ZNF436: variants seen among roughly 807,000 people sequenced by gnomAD.
The protein encoded by ZNF436 is zinc finger protein 436, also known as DNA-binding protein.
Under a neutral mutation model 41.9 loss-of-function variants are expected in ZNF436, and 22 were observed. That is an observed-to-expected ratio of 0.53 (90% CI 0.38 to 0.75). The LOEUF (loss-of-function observed/expected upper bound fraction) is 0.75. Among genes scored for constraint, ZNF436 ranks in the 30% least tolerant of loss-of-function variants. ZNF436 has a pLI of 0.00. For missense variants in ZNF436, 506 were observed against 587.3 expected, an observed-to-expected ratio of 0.86 and a Z score of 1.43; for synonymous variants, 217 against 197.8, an observed-to-expected ratio of 1.10 and a Z score of -0.82.
At position 23,361,783 on chromosome 1, in the gene ZNF436, T is replaced by G. The variant is rs1283425361; in HGVS notation, c.*186A>C. 11 of 562,718 alleles carry G rather than the reference T, an allele frequency of 2.0e-5. No homozygotes were observed. In the Admixed American group the frequency reaches 3.2e-4, roughly 16 times the overall value. 34.9% of individuals were successfully genotyped at this position (562,718 alleles called of 1,614,324 possible). Reference sequence around the variant, plus strand: ...CATTGAGTGAATAAAAATCACCATTTTGGAGGAGATAACATTCCCAAAGCT... The same window carrying G: ...CATTGAGTGAATAAAAATCACCATTGTGGAGGAGATAACATTCCCAAAGCT... On this transcript the variant is annotated 3_prime_UTR_variant, in exon 4 of 4. Coordinates refer to ENST00000314011, the MANE Select transcript of ZNF436 (RefSeq NM_001077195.2).
chr1:23,369,063 G>C (rs1638435000), intron 1 of ZNF436: 1 of 239,446 alleles, frequency 4.2e-6, no homozygotes, highest in South Asian at 3.9e-5. Context: ...TCTCAAGGGG[G>C]CGCCCCTCGA....
At chr1:23,364,776 T>C (rs1203497826) in intron 3 of ZNF436, among the ~76,000 whole-genome samples, 4 of 152,112 alleles carry the variant, frequency 2.6e-5, no homozygotes, top group African/African-American at 9.7e-5. Context: ...CTACAAGGAG[T>C]TTTATACCAG....
rs973230461 is a variant in ZNF436 at position 23,362,373 on chromosome 1, T to C, written c.1009A>G (p.Asn337Asp). The change falls in exon 4 of 4, where the codon AAC becomes GAC. Residue 337 changes from asparagine (N) to aspartate (D), a missense_variant. Around this residue, in one of 2 missense-constraint regions of ZNF436, gnomAD observed 278 missense variants for 372.1 expected, o/e 0.75. Transcript: ENST00000314011. ...AHTGEKPYHC[N>D]ECGENFSRIS... ...CGGCTGAAATTTTCCCCACATTCGT[T>C]ACAGTGGTATGGCTTCTCTCCCGTG... The C allele has an allele frequency of 1.2e-6, 2 of 1,613,976 alleles. No individual in the cohort carries two copies. Among genetic ancestry groups the C allele is most frequent in the East Asian group, 4.5e-5 (2 of 44,866 alleles).
At chr1:23,368,142 C>G in intron 1 of ZNF436, 77 bp from the exon 2 acceptor site, 1 of 1,013,084 alleles carries the variant, frequency 9.9e-7, no homozygotes, top group South Asian at 1.5e-5. Context: ...GTTCTGGCCC[C>G]AAGGCGGGCA....
At chr1:23,365,542 C>T (rs530237760) in intron 3 of ZNF436, among the ~76,000 whole-genome samples, 10 of 151,760 alleles carry the variant, frequency 6.6e-5, no homozygotes, top group Non-Finnish European at 1.0e-4. Context: ...GGTGAAACCC[C>T]GTCTCCACTA....
At position 23,362,344 on chromosome 1, in the gene ZNF436, G is replaced by T. The variant is rs1173181167; in HGVS notation, c.1038C>A (p.Ile346=). The change falls in exon 4 of 4, where the codon ATC becomes ATA. Residue 346 remains isoleucine, a synonymous_variant. Coordinates refer to ENST00000314011, the MANE Select transcript of ZNF436 (RefSeq NM_001077195.2). ...TTCTCTGGTGCTGAACCAAGTGTGA[G>T]ATGCGGCTGAAATTTTCCCCACATT... is the stretch of plus-strand genomic sequence containing the variant. ...CNECGENFSR[I]SHLVQHQRTH... is the part of the protein sequence containing the mutation. 1.2e-6 allele frequency: 2 copies of T among 1,613,860 alleles called. No homozygotes were observed.
intron 1 of ZNF436, chr1:23,368,943 GGCCCCGCGCCGCCCCGC>G (rs1638430750): frequency 6.3e-6 from 1 of 157,488 alleles, no homozygotes; most frequent in South Asian, 1.6e-4. Flanking sequence ...ACTCCCGAGA[GGCCCCGCGCCGCCCCGC>G]GCCGGGGCGA....
At position 23,360,079 on chromosome 1, in the gene ZNF436, T is replaced by C. The variant is rs929355551; in HGVS notation, c.*1890A>G. ...CATGTGTCACCCGACAATTAAAATATGGATACCCACAGTCTGCTAGATTTT... is the reference window on the plus strand; with the variant it reads ...CATGTGTCACCCGACAATTAAAATACGGATACCCACAGTCTGCTAGATTTT... On this transcript the variant is annotated 3_prime_UTR_variant, in exon 4 of 4. Coordinates refer to ENST00000314011, the MANE Select transcript of ZNF436 (RefSeq NM_001077195.2). The C allele has an allele frequency of 7.2e-5, 11 of 152,460 alleles. No homozygotes were observed. Among genetic ancestry groups the C allele is most frequent in the African/African-American group, 2.4e-4 (10 of 41,588 alleles). The allele number at this position is 152,460 out of a possible 1,614,324, so 9.4% of individuals were successfully genotyped here.
chr1:23,361,970 T>C lies in ZNF436; in HGVS notation c.1412A>G (p.Ter471=). 2 of 1,579,278 alleles carry C rather than the reference T, an allele frequency of 1.3e-6. No homozygotes were observed. Among genetic ancestry groups the C allele is most frequent in the Non-Finnish European group, 1.7e-6 (2 of 1,163,608 alleles). Residue 471 remains the stop codon, a stop_retained_variant, in exon 4 of 4, where the codon TAA becomes TGA. Coordinates refer to ENST00000314011, the MANE Select transcript of ZNF436 (RefSeq NM_001077195.2). The stretch of plus-strand genomic sequence containing the variant: ...TTTCTCAGCCATCATAATTACAGCT[T>C]AGTCCGTATGAACTCTCTTATGTTT... ...LIKHKRVHTD[*]
chr1:23,369,543 G>A lies in ZNF436; in HGVS notation c.-238C>T, dbSNP rs770771143. The A allele has an allele frequency of 1.9e-6, 1 of 532,672 alleles. No homozygotes were observed. Among genetic ancestry groups the A allele is most frequent in the Non-Finnish European group, 3.9e-6 (1 of 258,804 alleles). 33.0% of individuals were successfully genotyped at this position (532,672 alleles called of 1,614,324 possible). A position where few individuals can be genotyped will look rare whatever the true frequency, so the allele number is the denominator to read the frequency against. On this transcript the variant is annotated 5_prime_UTR_variant, in exon 1 of 4. Coordinates refer to ENST00000314011, the MANE Select transcript of ZNF436 (RefSeq NM_001077195.2). ...ATCTCGAATTCGTAGACTTGCAGGC[G>A]AAGCCCAGATATCGTAGGCTGATCC... is the stretch of plus-strand genomic sequence containing the variant.
Position 23,362,480 on chromosome 1 carries a change from G to T in ZNF436, c.902C>A (p.Thr301Lys). ...ATCACACTTGTAGGGCCTCTCCCCTGTGTGGACTCGATAGTGTTTGATGAG... is the reference window on the plus strand; with the variant it reads ...ATCACACTTGTAGGGCCTCTCCCCTTTGTGGACTCGATAGTGTTTGATGAG... ...SDLIKHYRVH[T>K]GERPYKCDEC... The change falls in exon 4 of 4, where the codon ACA (threonine) becomes AAA (lysine). Residue 301 changes from threonine to lysine, a missense_variant. By Grantham distance (78) the Thr-to-Lys change is moderately conservative (BLOSUM62 -1). Around this residue, in one of 2 missense-constraint regions of ZNF436, gnomAD observed 278 missense variants for 372.1 expected, o/e 0.75. Coordinates refer to ENST00000314011, the MANE Select transcript of ZNF436 (RefSeq NM_001077195.2). 1 of 1,614,252 alleles carries T rather than the reference G, an allele frequency of 6.2e-7. No homozygotes were observed. The highest frequency in any genetic ancestry group is 8.5e-7 in the Non-Finnish European group (1 of 1,180,052).
chr1:23,367,308 GAT>G, intron 2 of ZNF436, 140 bp from the exon 3 acceptor site: 6 of 1,051,918 alleles, frequency 5.7e-6, no homozygotes, highest in South Asian at 4.2e-5. Context: ...GCAAAAAAGA[GAT>G]GTGGTAAAGA....
rs1251609340 is a variant in ZNF436, at chr1:23,361,986, T to C, written c.1396A>G (p.Arg466Gly). 2 of 1,607,134 alleles carry C rather than the reference T, an allele frequency of 1.2e-6. No homozygotes were observed. Among genetic ancestry groups the C allele is most frequent in the East Asian group, 2.2e-5 (1 of 44,832 alleles). The change falls in exon 4 of 4, where the codon AGA becomes GGA. Residue 466 changes from arginine (R) to glycine (G), a missense_variant. Around this residue, in one of 2 missense-constraint regions of ZNF436, gnomAD observed 278 missense variants for 372.1 expected, o/e 0.75. Coordinates refer to ENST00000314011, the MANE Select transcript of ZNF436 (RefSeq NM_001077195.2). The part of the protein sequence containing the change: ...SRSSALIKHK[R>G]VHTD Reference sequence around the variant, plus strand: ...ATTACAGCTTAGTCCGTATGAACTCTCTTATGTTTAATAAGAGCTGAGCTC... The same window carrying C: ...ATTACAGCTTAGTCCGTATGAACTCCCTTATGTTTAATAAGAGCTGAGCTC...
At position 23,359,471 on chromosome 1, in the gene ZNF436, A is replaced by G. The variant is rs988094745; in HGVS notation, c.*2498T>C. 2 of 152,246 alleles carry G rather than the reference A, an allele frequency of 1.3e-5. No homozygotes were observed. Among genetic ancestry groups the G allele is most frequent in the Non-Finnish European group, 2.9e-5 (2 of 68,042 alleles). The allele number at this position is 152,246 out of a possible 1,614,324, so 9.4% of individuals were successfully genotyped here. On this transcript the variant is annotated 3_prime_UTR_variant, in exon 4 of 4. Coordinates refer to ENST00000314011, the MANE Select transcript of ZNF436 (RefSeq NM_001077195.2). ...GCTGACTTTAAAAATTATATTTTTAATTATAGAATATTGTTAGAATAATAC... is the reference window on the plus strand; with the variant it reads ...GCTGACTTTAAAAATTATATTTTTAGTTATAGAATATTGTTAGAATAATAC...
intron 3 of ZNF436, among the ~76,000 whole-genome samples, chr1:23,364,029 G>A (rs944346230): frequency 2.0e-5 from 3 of 149,054 alleles, no homozygotes; most frequent in Admixed American, 6.7e-5. Context: ...GTGACAGAAC[G>A]AGACCCTGTC....
intron 3 of ZNF436, among the ~76,000 whole-genome samples, chr1:23,365,175 C>T (rs1279849057): frequency 2.0e-5 from 3 of 150,386 alleles, no homozygotes; most frequent in African/African-American, 4.9e-5. Context: ...GGGCAGATCA[C>T]GAGGTCAGGA....
chr1:23,367,767 T>A (rs1006821387), intron 2 of ZNF436, among the ~76,000 whole-genome samples: 1 of 152,214 alleles, frequency 6.6e-6, no homozygotes. Context: ...ATCTTTTATC[T>A]CCCCAGTATT....
At chr1:23,366,025 G>A (rs952531150) in intron 3 of ZNF436, among the ~76,000 whole-genome samples, 16 of 151,890 alleles carry the variant, frequency 1.1e-4, no homozygotes, top group Non-Finnish European at 1.9e-4. Context: ...TCTAACAAGT[G>A]CTTTTGGGGC....
chr1:23,362,494 G>C lies in ZNF436; in HGVS notation c.888C>G (p.His296Gln). The C allele has an allele frequency of 1.2e-6, 2 of 1,613,984 alleles. No homozygotes were observed. The highest frequency in any genetic ancestry group is 1.7e-6 in the Non-Finnish European group (2 of 1,179,996). The change falls in exon 4 of 4, where the codon CAC (histidine) becomes CAG (glutamine). Residue 296 changes from histidine (H) to glutamine (Q), a missense_variant. By Grantham distance (24) the His-to-Gln change is conservative. Transcript: ENST00000314011. The stretch of plus-strand genomic sequence containing the variant: ...GCCTCTCCCCTGTGTGGACTCGATA[G>C]TGTTTGATGAGATCAGATCTCTCAC... ...GFSERSDLIK[H>Q]YRVHTGERPY...
Sources: gnomAD v4.1 joint callset for allele counts (sites outside exome capture counted in the v4.1 genomes callset) on GRCh38, gnomAD v4.1.1 for gene constraint, gnomAD v4.1.1 regional missense constraint, MANE v1.5 for transcripts, NCBI Gene and HGNC (gene_info 2026-07-23, HGNC 2026-07-21) for gene names.